LINGO1: variants seen among roughly 807,000 people sequenced by gnomAD.
LINGO1 encodes the protein leucine rich repeat and Ig domain containing 1, also known as leucine-rich repeat and immunoglobulin-like domain-containing nogo receptor-interacting protein 1.
LINGO1 carries 11 observed loss-of-function variants against 37.3 expected under a neutral mutation model. The ratio of observed to expected loss-of-function variants is 0.29; its 90% CI spans 0.19 to 0.49. The LOEUF (loss-of-function observed/expected upper bound fraction) is 0.49, where lower values mean the gene tolerates loss of function less well. LINGO1 is among the 20% of genes least tolerant of loss of function. The pLI, the probability that LINGO1 is intolerant of heterozygous loss-of-function variation, is 0.99. For missense variants in LINGO1, 585 were observed against 878.2 expected (o/e 0.67, Z 4.22); for synonymous variants, 387 against 403.0 (o/e 0.96, Z 0.48).
At chr15:77,768,764 CA>C (rs958726021) in intron 1 of LINGO1, among the ~76,000 whole-genome samples, 16 of 152,294 alleles carry the variant, frequency 1.1e-4, no homozygotes, top group Admixed American at 2.0e-4. Context: ...CAGAGGACGG[CA>C]GGAGAGAAAA....
At chr15:77,807,949 G>A (rs2076973725) in intron 1 of LINGO1, among the ~76,000 whole-genome samples, 1 of 152,120 alleles carries the variant, frequency 6.6e-6, no homozygotes, top group Non-Finnish European at 1.5e-5. Flanking sequence ...CCTGGAAGGG[G>A]CCAAGGACCT....
At chr15:77,797,495 CG>C (rs1330001047) in intron 1 of LINGO1, among the ~76,000 whole-genome samples, 5 of 152,170 alleles carry the variant, frequency 3.3e-5, no homozygotes, top group African/African-American at 4.8e-5. Flanking sequence ...CACCTTCAAA[CG>C]AAAGTCCACA....
intron 1 of LINGO1, among the ~76,000 whole-genome samples, chr15:77,621,892 G>A (rs1302406977): frequency 6.6e-6 from 1 of 152,162 alleles, no homozygotes; most frequent in East Asian, 1.9e-4. Context: ...CGTTCCTCGG[G>A]GACCAGGGGG....
intron 3 of LINGO1, among the ~76,000 whole-genome samples, chr15:77,639,808 A>T (rs1340969283): frequency 6.6e-6 from 1 of 152,196 alleles, no homozygotes; most frequent in Non-Finnish European, 1.5e-5. Context: ...AAGTATTAAA[A>T]CACGCAGGAC....
chr15:77,671,875 G>A (rs1450654909), intron 3 of LINGO1, among the ~76,000 whole-genome samples: 4 of 152,226 alleles, frequency 2.6e-5, no homozygotes, highest in Admixed American at 1.3e-4. Context: ...GCTGGGTGAC[G>A]GATCTGGTCT....
At chr15:77,699,852 G>C (rs1306714688), upstream of LINGO1, among the ~76,000 whole-genome samples, 18 of 149,246 alleles carry the variant, frequency 1.2e-4, no homozygotes, top group Admixed American at 1.2e-3. Context: ...AACACACTAA[G>C]TGCTCAATTA....
chr15:77,807,375 TATCCAACTGGCCAACCTTA>T (rs1286339880), intron 1 of LINGO1, among the ~76,000 whole-genome samples: 1 of 152,232 alleles, frequency 6.6e-6, no homozygotes, highest in African/African-American at 2.4e-5. Context: ...TGGAGCTGTT[TATCCAACTGGCCAACCTTA>T]ATGGAACACC....
chr15:77,764,757 C>T (rs902074944), intron 1 of LINGO1, among the ~76,000 whole-genome samples: 1 of 152,202 alleles, frequency 6.6e-6, no homozygotes, highest in Non-Finnish European at 1.5e-5. Flanking sequence ...AACGATTTGA[C>T]CTTATCTTGT....
At chr15:77,733,458 G>A (rs1200787900) in intron 2 of LINGO1, among the ~76,000 whole-genome samples, 1 of 152,170 alleles carries the variant, frequency 6.6e-6, no homozygotes, top group African/African-American at 2.4e-5. Context: ...TTGAGGGCCT[G>A]ACCAGAGGAT....
At chr15:77,723,955 T>A (rs1373604594) in intron 2 of LINGO1, among the ~76,000 whole-genome samples, 6 of 152,098 alleles carry the variant, frequency 3.9e-5, no homozygotes, top group Non-Finnish European at 8.8e-5. Flanking sequence ...TTTCCCCAGG[T>A]TATATTTTTA....
intron 3 of LINGO1, among the ~76,000 whole-genome samples, chr15:77,641,430 A>G (rs28374408): frequency 0.2 from 30,661 of 152,200 alleles, 6,628 homozygotes; most frequent in African/African-American, 0.55. Context: ...AGAGGCACCC[A>G]GCTGCATCAC....
In LINGO1 at chr15:77,748,909, CTTT is replaced by C. The variant is rs67399483; in HGVS notation, c.-256-13859_-256-13857del. Among the ~76,000 whole-genome samples, 167 of 87,746 alleles carry C rather than the reference CTTT, an allele frequency of 1.9e-3. 1 individual carries two copies. The highest frequency in any genetic ancestry group is 6.9e-3 in the African/African-American group (160 of 23,282). The allele number at this position is 87,746 out of a possible 152,430, so 57.6% of individuals were successfully genotyped here. A position where few individuals can be genotyped will look rare whatever the true frequency, so the allele number is the denominator to read the frequency against. On this transcript the variant is annotated intron_variant, in intron 1 of 3. Coordinates refer to the LINGO1 transcript ENST00000561686. ...TTATTTATTTTCCTTCCTTCCTTCT[CTTT>C]TTTTTTTTTTTTTTTTTTGGAGTCT...
rs140258069 is a variant in LINGO1, at chr15:77,693,942, G to C, written c.-281+2449C>G. On this transcript the variant is annotated intron_variant, in intron 1 of 3. Transcript: ENST00000559893. ...GGTCCCTAATGAACAGACTTGGCATGTGTGTGTCCAGAGAGCAGAGCTAGG... is the reference window on the plus strand; with the variant it reads ...GGTCCCTAATGAACAGACTTGGCATCTGTGTGTCCAGAGAGCAGAGCTAGG... 4.6e-3 allele frequency among the ~76,000 whole-genome samples: 707 copies of C among 152,300 alleles called. 7 individuals carry two copies. The highest frequency in any genetic ancestry group is 0.016 in the African/African-American group (681 of 41,566).
At chr15:77,740,929 C>T (rs2076257287) in intron 1 of LINGO1, among the ~76,000 whole-genome samples, 1 of 152,352 alleles carries the variant, frequency 6.6e-6, no homozygotes, top group Admixed American at 6.5e-5. Flanking sequence ...TGGCAGCAGC[C>T]TCCCTCCTGT....
chr15:77,785,324 T>A (rs576390682), intron 1 of LINGO1, among the ~76,000 whole-genome samples: 32 of 152,232 alleles, frequency 2.1e-4, no homozygotes, highest in Non-Finnish European at 4.0e-4. Flanking sequence ...CGCAGGCTGA[T>A]CTCCACAGGT....
At chr15:77,706,748 C>G (rs1414513304) in intron 2 of LINGO1, among the ~76,000 whole-genome samples, 1 of 152,232 alleles carries the variant, frequency 6.6e-6, no homozygotes, top group Admixed American at 6.5e-5. Flanking sequence ...GAGCCTCACT[C>G]GGAAAGGGGC....
At chr15:77,773,464 GCTAGTAGGTGA>G (rs2076605794) in intron 1 of LINGO1, among the ~76,000 whole-genome samples, 1 of 152,164 alleles carries the variant, frequency 6.6e-6, no homozygotes. Context: ...TTAGGTGACA[GCTAGTAGGTGA>G]GATTTGAACC....
At chr15:77,780,187 G>T (rs1417216477) in intron 1 of LINGO1, among the ~76,000 whole-genome samples, 4 of 152,196 alleles carry the variant, frequency 2.6e-5, no homozygotes, top group South Asian at 2.1e-4. Flanking sequence ...CACAGGGGAG[G>T]GTATAAGAAG....
intron 1 of LINGO1, among the ~76,000 whole-genome samples, chr15:77,807,475 C>T (rs1182398019): frequency 6.6e-6 from 1 of 152,208 alleles, no homozygotes; most frequent in African/African-American, 2.4e-5. Flanking sequence ...AACGGATGTG[C>T]TCAGGGAACC....
Sources: allele counts gnomAD v4.1 joint callset (sites outside exome capture counted in the v4.1 genomes callset), GRCh38; gene constraint gnomAD v4.1.1; transcripts MANE v1.5; gene names NCBI Gene and HGNC (gene_info 2026-07-23, HGNC 2026-07-21).